The following FHIP1A variants were observed in gnomAD, a reference collection of about 807,000 sequenced individuals.
The protein encoded by FHIP1A is FHF complex subunit HOOK-interacting protein 1A.
In FHIP1A, 61 loss-of-function variants were observed where a neutral mutation model predicts 88.6. The observed-to-expected ratio is 0.69, with a 90% CI of 0.56 to 0.85. The LOEUF is 0.85. Among genes scored for constraint, FHIP1A ranks in the 40% least tolerant of loss-of-function variants. FHIP1A has a pLI of 0.00. For synonymous variants in FHIP1A, 478 were observed against 496.0 expected, an observed-to-expected ratio of 0.96 and a Z score of 0.48; for missense variants, 1,154 against 1,273.5, an observed-to-expected ratio of 0.91 and a Z score of 1.43.
chr4:151,433,141 C>T (rs748482441), intron 1 of FHIP1A, among the ~76,000 whole-genome samples: 13 of 151,988 alleles, frequency 8.6e-5, no homozygotes, highest in Non-Finnish European at 1.3e-4. Flanking sequence ...AGAGGAAATG[C>T]GATGAAGGTT....
chr4:151,448,160 C>T (rs1728673987), intron 1 of FHIP1A, among the ~76,000 whole-genome samples: 1 of 151,970 alleles, frequency 6.6e-6, no homozygotes. Context: ...CTCAAGTGAC[C>T]CTCCCGTCTT....
chr4:151,521,346 C>A (rs1464315326), intron 3 of FHIP1A, among the ~76,000 whole-genome samples: 2 of 152,050 alleles, frequency 1.3e-5, no homozygotes, highest in Non-Finnish European at 2.9e-5. Context: ...TTTTCATATT[C>A]TTGTCCATAT....
intron 5 of FHIP1A, among the ~76,000 whole-genome samples, chr4:151,581,777 C>G (rs1560781587): frequency 6.6e-6 from 1 of 152,172 alleles, no homozygotes; most frequent in Non-Finnish European, 1.5e-5. Flanking sequence ...AAAGGTTTCT[C>G]TAATTAGTAT....
rs2126940758 is a variant in FHIP1A, at chr4:151,666,389, G to C, written c.*3635G>C. Among the ~76,000 whole-genome samples the C allele has an allele frequency of 6.6e-6, 1 of 152,260 alleles. No homozygotes were observed. The highest frequency in any genetic ancestry group is 2.4e-5 in the African/African-American group (1 of 41,552). On this transcript the variant is annotated 3_prime_UTR_variant, in exon 14 of 14. Transcript: ENST00000435205. ...GCTTTGATGTGCTCGGGTTGGAGTG[G>C]ATGTCTGTCAGGTGTTAGGTAGGAC...
At chr4:151,550,109 G>T (rs1325473918) in intron 3 of FHIP1A, among the ~76,000 whole-genome samples, 1 of 151,974 alleles carries the variant, frequency 6.6e-6, no homozygotes, top group Non-Finnish European at 1.5e-5. Context: ...TTTAATTTTT[G>T]TGGGTACATA....
chr4:151,588,357 G>A (rs1978955), intron 6 of FHIP1A, among the ~76,000 whole-genome samples: 43,308 of 151,904 alleles, frequency 0.29, 6,406 homozygotes, highest in Non-Finnish European at 0.33. Context: ...TTAAAATGAG[G>A]AAATGTTTTC....
In FHIP1A at chr4:151,577,302, G is replaced by GAC. The variant is rs144415896; in HGVS notation, c.106-130_106-129dup. 3.0e-3 allele frequency: 1,815 copies of GAC among 596,264 alleles called. 2 individuals are homozygous for GAC. The highest frequency in any genetic ancestry group is 0.014 in the South Asian group (540 of 38,186). The allele number at this position is 596,264 out of a possible 1,614,324, so 36.9% of individuals were successfully genotyped here. On this transcript the variant is annotated intron_variant, in intron 4 of 13. Coordinates refer to ENST00000435205, the MANE Select transcript of FHIP1A (RefSeq NM_001109977.3). ...CCTTCATTTTAGTGTTTGAGAGGGAGACACACACACACACACACAATGCCC... is the reference window on the plus strand; with the variant it reads ...CCTTCATTTTAGTGTTTGAGAGGGAGACACACACACACACACACACAATGCCC...
chr4:151,438,295 G>A (rs909813624), intron 1 of FHIP1A, among the ~76,000 whole-genome samples: 1 of 152,094 alleles, frequency 6.6e-6, no homozygotes, highest in African/African-American at 2.4e-5. Flanking sequence ...TACTCTCCGA[G>A]ATGTTTGCGT....
intron 3 of FHIP1A, among the ~76,000 whole-genome samples, chr4:151,524,956 G>T (rs1170172489): frequency 1.3e-5 from 2 of 152,170 alleles, no homozygotes. Flanking sequence ...CAAATGGTGC[G>T]TCAGCTCCAT....
At chr4:151,634,836 G>T (rs557150568) in intron 8 of FHIP1A, among the ~76,000 whole-genome samples, 59 of 151,938 alleles carry the variant, frequency 3.9e-4, no homozygotes, top group African/African-American at 1.4e-3. Context: ...CATAGCAATG[G>T]ATTTTGTAAT....
intron 2 of FHIP1A, among the ~76,000 whole-genome samples, chr4:151,476,654 A>G (rs1729719716): frequency 6.6e-6 from 1 of 152,194 alleles, no homozygotes; most frequent in Non-Finnish European, 1.5e-5. Flanking sequence ...GTGCTGCTGG[A>G]TGAGAGAAAA....
At chr4:151,541,399 AT>A (rs1474488842) in intron 3 of FHIP1A, among the ~76,000 whole-genome samples, 4 of 152,190 alleles carry the variant, frequency 2.6e-5, no homozygotes, top group Admixed American at 2.0e-4. Flanking sequence ...CTGCATATAC[AT>A]TTTTACAGTC....
At chr4:151,575,447 T>A (rs1485499455) in intron 4 of FHIP1A, among the ~76,000 whole-genome samples, 1 of 152,076 alleles carries the variant, frequency 6.6e-6, no homozygotes, top group Non-Finnish European at 1.5e-5. Flanking sequence ...GGTCACCAGG[T>A]GCAAGGAATC....
chr4:151,482,025 C>T (rs1729914131), intron 2 of FHIP1A, among the ~76,000 whole-genome samples: 1 of 152,002 alleles, frequency 6.6e-6, no homozygotes, highest in Non-Finnish European at 1.5e-5. Context: ...TAGACTTTGC[C>T]CGTTGGATGG....
At position 151,586,713 on chromosome 4, in the gene FHIP1A, C is replaced by T. The variant is rs1281727597; in HGVS notation, c.805C>T (p.His269Tyr). Residue 269 changes from histidine to tyrosine, a missense_variant, in exon 6 of 14, where the codon CAC becomes TAC. Coordinates refer to ENST00000435205, the MANE Select transcript of FHIP1A (RefSeq NM_001109977.3). ...TKLEEKGEEW[H>Y]CLLKDDWLLL... ...GCTAGAAGAGAAAGGCGAGGAATGGCACTGCCTTCTGAAAGATGACTGGCT... is the reference window on the plus strand; with the variant it reads ...GCTAGAAGAGAAAGGCGAGGAATGGTACTGCCTTCTGAAAGATGACTGGCT... 9.7e-6 allele frequency: 15 copies of T among 1,551,250 alleles called. No individual in the cohort carries two copies. The highest frequency in any genetic ancestry group is 1.3e-5 in the Non-Finnish European group (15 of 1,146,740).
At chr4:151,499,707 T>TA (rs978872881) in intron 3 of FHIP1A, among the ~76,000 whole-genome samples, 1 of 152,182 alleles carries the variant, frequency 6.6e-6, no homozygotes, top group African/African-American at 2.4e-5. Flanking sequence ...TCAGGAAACT[T>TA]ACAATCGTCG....
At chr4:151,579,447 A>G (rs1733940649) in intron 5 of FHIP1A, among the ~76,000 whole-genome samples, 1 of 152,162 alleles carries the variant, frequency 6.6e-6, no homozygotes, top group Non-Finnish European at 1.5e-5. Context: ...CAGTTTTGAG[A>G]GGGAGCTATA....
intron 4 of FHIP1A, among the ~76,000 whole-genome samples, chr4:151,574,541 G>A (rs1733711323): frequency 6.6e-6 from 1 of 151,774 alleles, no homozygotes; most frequent in South Asian, 2.1e-4. Context: ...AAATACATAT[G>A]CATATTTATA....
At chr4:151,632,586 C>T (rs1367852917) in intron 8 of FHIP1A, among the ~76,000 whole-genome samples, 2 of 151,990 alleles carry the variant, frequency 1.3e-5, no homozygotes, top group African/African-American at 4.8e-5. Context: ...CTTGTTAGGT[C>T]ACAAAACAAA....
Sources: allele counts gnomAD v4.1 joint callset (sites outside exome capture counted in the v4.1 genomes callset), GRCh38; gene constraint gnomAD v4.1.1; transcripts MANE v1.5; gene names NCBI Gene and HGNC (gene_info 2026-07-23, HGNC 2026-07-21).